The following SLC8A1 variants were observed in gnomAD, a reference collection of about 807,000 sequenced individuals.
SLC8A1 encodes solute carrier family 8 member A1, also known as sodium/calcium exchanger 1.
A neutral mutation model predicts 68.3 loss-of-function variants in SLC8A1; 18 were observed. That is an observed-to-expected ratio of 0.26 (90% CI 0.18 to 0.39). The LOEUF (loss-of-function observed/expected upper bound fraction) is 0.39. Ranked by LOEUF, SLC8A1 falls within the 10% of genes least tolerant of loss-of-function variation. The pLI, the probability that SLC8A1 is intolerant of heterozygous loss-of-function variation, is 1.00. For missense variants in SLC8A1, 985 were observed against 1,156.7 expected (o/e 0.85, Z 2.15); for synonymous variants, 475 against 415.5 (o/e 1.14, Z -1.74).
intron 6 of SLC8A1, among the ~76,000 whole-genome samples, chr2:40,155,670 G>T (rs534814905): frequency 6.6e-6 from 1 of 152,148 alleles, no homozygotes; most frequent in Non-Finnish European, 1.5e-5. Flanking sequence ...TTGTCCAGGG[G>T]ACCACTGAGT....
intron 2 of SLC8A1, among the ~76,000 whole-genome samples, chr2:40,381,557 A>G (rs1681794792): frequency 6.6e-6 from 1 of 151,822 alleles, no homozygotes; most frequent in Non-Finnish European, 1.5e-5. Context: ...ACCTGGCCCC[A>G]TTCTTCCCAT....
At chr2:40,303,362 G>C (rs934539626) in intron 2 of SLC8A1, among the ~76,000 whole-genome samples, 3 of 152,172 alleles carry the variant, frequency 2.0e-5, no homozygotes, top group Non-Finnish European at 2.9e-5. Flanking sequence ...GAGTTCTCAG[G>C]GGGCCAGCAC....
chr2:40,284,464 T>G (rs962776782), intron 2 of SLC8A1, among the ~76,000 whole-genome samples: 3 of 143,700 alleles, frequency 2.1e-5, no homozygotes, highest in Admixed American at 2.1e-4. Context: ...TCTATAGATA[T>G]ATATCTATAG....
intron 2 of SLC8A1, among the ~76,000 whole-genome samples, chr2:40,264,413 C>T (rs1282223958): frequency 5.0e-4 from 76 of 151,188 alleles, no homozygotes; most frequent in East Asian, 9.7e-4. Context: ...ATGTTTATTG[C>T]GGCACTATTC....
chr2:40,196,707 A>C (rs1456696679), intron 2 of SLC8A1, among the ~76,000 whole-genome samples: 1 of 151,962 alleles, frequency 6.6e-6, no homozygotes, highest in Non-Finnish European at 1.5e-5. Context: ...AAGGGCCTTA[A>C]AAAATAACCC....
At chr2:40,204,331 A>C (rs1210983639) in intron 2 of SLC8A1, among the ~76,000 whole-genome samples, 3 of 152,074 alleles carry the variant, frequency 2.0e-5, no homozygotes. Context: ...GAGCATTTTA[A>C]TTGTAGCATT....
chr2:40,216,512 A>G (rs1223376420), intron 2 of SLC8A1, among the ~76,000 whole-genome samples: 1 of 152,186 alleles, frequency 6.6e-6, no homozygotes, highest in East Asian at 1.9e-4. Context: ...CTTTGAGTGT[A>G]TACCCTGTAA....
At chr2:40,131,816 A>G (rs1031791147) in intron 7 of SLC8A1, among the ~76,000 whole-genome samples, 4 of 142,954 alleles carry the variant, frequency 2.8e-5, no homozygotes, top group African/African-American at 1.0e-4. Context: ...CAGATTCATT[A>G]GTGGCACATG....
At chr2:40,401,577 A>G (rs1441357925) in intron 2 of SLC8A1, among the ~76,000 whole-genome samples, 3 of 150,006 alleles carry the variant, frequency 2.0e-5, no homozygotes, top group Admixed American at 6.6e-5. Context: ...CAAAAAAAAA[A>G]AAAAAAAAAA....
At chr2:40,154,943 G>A (rs2044188996) in intron 6 of SLC8A1, among the ~76,000 whole-genome samples, 1 of 152,130 alleles carries the variant, frequency 6.6e-6, no homozygotes, top group Non-Finnish European at 1.5e-5. Flanking sequence ...TTTTGCTCAT[G>A]AGACTAGCAT....
intron 2 of SLC8A1, among the ~76,000 whole-genome samples, chr2:40,426,733 G>A (rs913976257): frequency 1.2e-4 from 18 of 151,936 alleles, no homozygotes; most frequent in African/African-American, 4.3e-4. Context: ...ACCCTTATGA[G>A]TTCATTTAAC....
At chr2:40,220,351 G>C (rs538400148) in intron 2 of SLC8A1, 4 of 152,134 alleles carry the variant, frequency 2.6e-5, no homozygotes, top group African/African-American at 9.7e-5. Flanking sequence ...TCTTGTGCAA[G>C]GGAAGAACAG....
At chr2:40,236,804 A>G (rs1398681286) in intron 2 of SLC8A1, among the ~76,000 whole-genome samples, 1 of 151,092 alleles carries the variant, frequency 6.6e-6, no homozygotes, top group African/African-American at 2.4e-5. Context: ...TGGTGGTGAC[A>G]AAATCTCTCA....
At chr2:40,299,331 A>C (rs2070995848) in intron 2 of SLC8A1, among the ~76,000 whole-genome samples, 1 of 152,166 alleles carries the variant, frequency 6.6e-6, no homozygotes, top group Non-Finnish European at 1.5e-5. Flanking sequence ...TACAGAGTGG[A>C]GAAAAACTTA....
In SLC8A1 at chr2:40,284,661, A is replaced by ATATAT. The variant is rs1559092627; in HGVS notation, c.1809-106807_1809-106806insATATA. ...AAAAACATATATAAATATAAATATA[A>ATATAT]ATATATATATACACACACACAATTT... On this transcript the variant is annotated intron_variant, in intron 2 of 7. Transcript: ENST00000406785. 3.4e-5 allele frequency among the ~76,000 whole-genome samples: 5 copies of ATATAT among 144,952 alleles called. No homozygotes were observed. In the East Asian group the frequency reaches 9.9e-4, roughly 29 times the overall value.
At chr2:40,350,573 C>T (rs1363903667) in intron 2 of SLC8A1, among the ~76,000 whole-genome samples, 1 of 109,842 alleles carries the variant, frequency 9.1e-6, no homozygotes, top group South Asian at 3.1e-4. Context: ...TTACTTCTCA[C>T]GCACCCAGAC....
chr2:40,342,727 C>T (rs747007040), intron 2 of SLC8A1, among the ~76,000 whole-genome samples: 9 of 152,142 alleles, frequency 5.9e-5, no homozygotes, highest in Non-Finnish European at 1.2e-4. Context: ...TAAAGTCTCA[C>T]ACAATAAACT....
At chr2:40,336,195 G>T (rs1006097542) in intron 2 of SLC8A1, among the ~76,000 whole-genome samples, 1 of 152,180 alleles carries the variant, frequency 6.6e-6, no homozygotes, top group South Asian at 2.1e-4. Context: ...GTACCTTAAA[G>T]ACATCTGAGC....
At chr2:40,383,878 T>C (rs1049544964) in intron 2 of SLC8A1, among the ~76,000 whole-genome samples, 2 of 152,132 alleles carry the variant, frequency 1.3e-5, no homozygotes, top group African/African-American at 4.8e-5. Flanking sequence ...AGATACAATG[T>C]AGTCCTATAT....
Sources: gnomAD v4.1 joint callset for allele counts (sites outside exome capture counted in the v4.1 genomes callset) on GRCh38, gnomAD v4.1.1 for gene constraint, MANE v1.5 for transcripts, NCBI Gene and HGNC (gene_info 2026-07-23, HGNC 2026-07-21) for gene names.